COL5A2: variants seen among roughly 807,000 people sequenced by gnomAD.
COL5A2 encodes collagen type V alpha 2 chain.
Under a neutral mutation model 208.2 loss-of-function variants are expected in COL5A2, and 23 were observed. The ratio of observed to expected loss-of-function variants is 0.11; its 90% CI spans 0.08 to 0.16. COL5A2 has a LOEUF of 0.16. COL5A2 is among the 10% of genes least tolerant of loss of function. The pLI is 1.00. For missense variants in COL5A2, 1,590 were observed against 1,956.4 expected (o/e 0.81, Z 3.53); for synonymous variants, 625 against 628.5 (o/e 0.99, Z 0.08).
At chr2:189,391,818 T>C in the COL5A2 span, among the ~76,000 whole-genome samples, 1 of 152,158 alleles carries the variant, frequency 6.6e-6, no homozygotes, top group Non-Finnish European at 1.5e-5. Flanking sequence ...ACTAAAATTA[T>C]TTGATTTTTT....
chr2:189,072,030 A>G lies in COL5A2; in HGVS notation c.1158+10T>C. Reference sequence around the variant, plus strand: ...GCGTTAAATACTGTATATTAACATTAACATCTTACCTTCATTCCAGGATTT... The same window carrying G: ...GCGTTAAATACTGTATATTAACATTGACATCTTACCTTCATTCCAGGATTT... On this transcript the variant is annotated intron_variant, in intron 18 of 53. Coordinates refer to ENST00000374866, the MANE Select transcript of COL5A2 (RefSeq NM_000393.5). 1 of 1,572,734 alleles carries G rather than the reference A, an allele frequency of 6.4e-7. No individual in the cohort carries two copies. The highest frequency in any genetic ancestry group is 8.7e-7 in the Non-Finnish European group (1 of 1,145,434).
chr2:189,383,430 C>T, the COL5A2 span, among the ~76,000 whole-genome samples: 1 of 152,106 alleles, frequency 6.6e-6, no homozygotes, highest in Admixed American at 6.6e-5. Context: ...ACCACTTTAA[C>T]GACCCCATCT....
At chr2:189,184,406 G>T (rs1214755325), upstream of COL5A2, among the ~76,000 whole-genome samples, 1 of 152,116 alleles carries the variant, frequency 6.6e-6, no homozygotes, top group Non-Finnish European at 1.5e-5. Context: ...GGCATAAAAC[G>T]CTAATATCTT....
At position 189,097,271 on chromosome 2, in the gene COL5A2, A is replaced by T. The variant is rs766383581; in HGVS notation, c.456+6T>A. The T allele has an allele frequency of 6.2e-7, 1 of 1,614,052 alleles. No individual in the cohort carries two copies. The highest frequency in any genetic ancestry group is 8.5e-7 in the Non-Finnish European group (1 of 1,179,960). On this transcript the variant is annotated splice_donor_region_variant and intron_variant, in intron 6 of 53. Transcript: ENST00000374866. ...TTCCCCACAAGGAGCCCTCCTGTCA[A>T]CTTACAGGTCTTCCTTTTGGCCCTC... is the stretch of plus-strand genomic sequence containing the variant.
chr2:189,384,051 C>T, the COL5A2 span, among the ~76,000 whole-genome samples: 1 of 151,988 alleles, frequency 6.6e-6, no homozygotes, highest in Non-Finnish European at 1.5e-5. Context: ...ACATAATGCT[C>T]TCCATTTCCA....
chr2:189,368,544 T>C, the COL5A2 span, among the ~76,000 whole-genome samples: 3 of 152,212 alleles, frequency 2.0e-5, no homozygotes, highest in African/African-American at 7.2e-5. Context: ...TAATATACTT[T>C]CCTTCATGCA....
chr2:189,353,316 A>T, the COL5A2 span, among the ~76,000 whole-genome samples: 2 of 152,156 alleles, frequency 1.3e-5, no homozygotes, highest in Admixed American at 6.6e-5. Context: ...TTTTTTTCCA[A>T]TTCTGTGAAG....
At chr2:189,348,972 C>T in the COL5A2 span, among the ~76,000 whole-genome samples, 1 of 152,078 alleles carries the variant, frequency 6.6e-6, no homozygotes, top group Non-Finnish European at 1.5e-5. Context: ...ATTTTAAAGA[C>T]AAGAAAACCA....
chr2:189,336,400 G>A, the COL5A2 span, among the ~76,000 whole-genome samples: 5 of 152,030 alleles, frequency 3.3e-5, no homozygotes, highest in African/African-American at 9.7e-5. Flanking sequence ...AAAACATTAC[G>A]TCCATAAAAT....
chr2:189,260,797 T>C, the COL5A2 span, among the ~76,000 whole-genome samples: 1 of 152,172 alleles, frequency 6.6e-6, no homozygotes, highest in Non-Finnish European at 1.5e-5. Context: ...TCAAGTTATA[T>C]AAAAGGAAAA....
chr2:189,351,609 A>G, the COL5A2 span, among the ~76,000 whole-genome samples: 1 of 152,208 alleles, frequency 6.6e-6, no homozygotes, highest in Non-Finnish European at 1.5e-5. Flanking sequence ...TGTCATTTTG[A>G]ATTTTAATTT....
chr2:189,066,169 G>A (rs1320908080), intron 23 of COL5A2, among the ~76,000 whole-genome samples: 1 of 152,216 alleles, frequency 6.6e-6, no homozygotes, highest in Admixed American at 6.5e-5. Context: ...TCCAAGCACA[G>A]ATGGCTCAAA....
chr2:189,361,171 C>T, the COL5A2 span, among the ~76,000 whole-genome samples: 2 of 151,992 alleles, frequency 1.3e-5, no homozygotes, highest in African/African-American at 2.4e-5. Flanking sequence ...TGTTGATTTT[C>T]CCTCTGGACA....
At chr2:189,319,495 C>T in the COL5A2 span, among the ~76,000 whole-genome samples, 1 of 152,000 alleles carries the variant, frequency 6.6e-6, no homozygotes, top group African/African-American at 2.4e-5. Context: ...ATGGTCTTAG[C>T]AAACAGCACA....
intron 1 of COL5A2, among the ~76,000 whole-genome samples, chr2:189,129,385 T>C (rs112960382): frequency 2.0e-5 from 3 of 152,174 alleles, no homozygotes; most frequent in African/African-American, 7.2e-5. Flanking sequence ...ATATGAAATA[T>C]GTAAAATGTT....
intron 1 of COL5A2, among the ~76,000 whole-genome samples, chr2:189,150,272 C>T (rs576922366): frequency 6.6e-6 from 1 of 152,248 alleles, no homozygotes; most frequent in Non-Finnish European, 1.5e-5. Context: ...GATGACTTAA[C>T]AGGCATTAAA....
At chr2:189,168,686 T>C (rs994678027) in intron 1 of COL5A2, among the ~76,000 whole-genome samples, 5 of 152,298 alleles carry the variant, frequency 3.3e-5, no homozygotes, top group East Asian at 1.9e-4. Context: ...GTATTTGCTA[T>C]GGGAACCATC....
chr2:189,073,164 A>G (rs1345501572), intron 17 of COL5A2, among the ~76,000 whole-genome samples: 1 of 152,030 alleles, frequency 6.6e-6, no homozygotes, highest in Non-Finnish European at 1.5e-5. Context: ...GTCTTGGCCC[A>G]CGTTGATCAT....
intron 1 of COL5A2, among the ~76,000 whole-genome samples, chr2:189,212,629 A>G (rs1244877736): frequency 2.1e-5 from 3 of 146,184 alleles, no homozygotes; most frequent in Non-Finnish European, 4.5e-5. Context: ...ATAGAGCAAG[A>G]CTCAGTCTCA....
Sources: gnomAD v4.1 joint callset for allele counts (sites outside exome capture counted in the v4.1 genomes callset) on GRCh38, gnomAD v4.1.1 for gene constraint, MANE v1.5 for transcripts, NCBI Gene and HGNC (gene_info 2026-07-23, HGNC 2026-07-21) for gene names.